Variants in SLC35E4 observed in about 807,000 individuals in gnomAD.
SLC35E4 encodes the protein solute carrier family 35, member E4.
In SLC35E4, 15 loss-of-function variants were observed where a neutral mutation model predicts 19.3. The observed-to-expected ratio is 0.78, with a 90% CI of 0.52 to 1.20. The LOEUF (loss-of-function observed/expected upper bound fraction) is 1.20, where lower values mean the gene tolerates loss of function less well. Among genes scored for constraint, SLC35E4 ranks in the 50% most tolerant of loss-of-function variants. The pLI, the probability that SLC35E4 is intolerant of heterozygous loss-of-function variation, is 0.00. For synonymous variants in SLC35E4, 219 were observed against 219.9 expected, an observed-to-expected ratio of 1.00 and a Z score of 0.04; for missense variants, 406 against 472.3, an observed-to-expected ratio of 0.86 and a Z score of 1.30.
At chr22:30,646,231 A>T (rs998388198) in intron 1 of SLC35E4, among the ~76,000 whole-genome samples, 1 of 152,098 alleles carries the variant, frequency 6.6e-6, no homozygotes, top group South Asian at 2.1e-4. Context: ...TATTTATTTT[A>T]GTTTAGTTTT....
At chr22:30,662,031 T>TG (rs386395203) in intron 2 of SLC35E4, 7 of 7,936 alleles carry the variant, frequency 8.8e-4, no homozygotes, top group African/African-American at 1.2e-3. Flanking sequence ...ACTTAAACCA[T>TG]TTTTTTTTTT....
At chr22:30,651,385 G>T (rs1343229993), downstream of SLC35E4, among the ~76,000 whole-genome samples, 526 of 30,554 alleles carry the variant, frequency 0.017, 33 homozygotes, top group East Asian at 0.14. Flanking sequence ...GTGTGTGTGT[G>T]TGTGTGTGTG....
chr22:30,643,604 G>A (rs1036231816), intron 1 of SLC35E4, among the ~76,000 whole-genome samples: 18 of 152,082 alleles, frequency 1.2e-4, no homozygotes, highest in African/African-American at 3.6e-4. Context: ...GCCAGCTGCC[G>A]GGGTGAGCCG....
intron 2 of SLC35E4, chr22:30,653,982 T>TG (rs1332374004): frequency 1.0e-4 from 15 of 147,974 alleles, no homozygotes; most frequent in African/African-American, 4.5e-4. Context: ...GTTTTGTTTT[T>TG]TTGTTTTTTT....
At chr22:30,663,290 G>T in exon 3 of SLC35E4, 1 of 780,726 alleles carries the variant, frequency 1.3e-6, no homozygotes, top group Non-Finnish European at 2.0e-6. Flanking sequence ...AAAGTTAAAA[G>T]CTACAGCAAC....
downstream of SLC35E4, chr22:30,667,654 T>C (rs79182040): frequency 0.12 from 18,630 of 152,722 alleles, 1,416 homozygotes; most frequent in Non-Finnish European, 0.17. Flanking sequence ...AGAGAAATCC[T>C]GGCCTCGGCT....
chr22:30,650,082 A>G (rs888724604), downstream of SLC35E4, among the ~76,000 whole-genome samples: 3 of 149,556 alleles, frequency 2.0e-5, no homozygotes, highest in African/African-American at 7.5e-5. Flanking sequence ...CTGTAATCCC[A>G]GTACTTTGGG....
chr22:30,657,578 G>C (rs1441834244), intron 2 of SLC35E4, among the ~76,000 whole-genome samples: 4 of 151,864 alleles, frequency 2.6e-5, no homozygotes, highest in African/African-American at 9.7e-5. Flanking sequence ...GGGAAATATG[G>C]TGAGACGCTG....
chr22:30,646,990 CG>C lies in SLC35E4; in HGVS notation c.1017del (p.Leu340CysfsTer49). On this transcript the variant is annotated frameshift_variant, in exon 2 of 2. Coordinates refer to ENST00000343605, the MANE Select transcript of SLC35E4 (RefSeq NM_001001479.4). LOFTEE classifies it high-confidence loss of function. ...GTTCGTGGCCTCCTGGGCTGCCCGT[CG>C]GGGGCTGTGGCGGAGGGACCAGCCC... ...CEFVASWAAR[R>X]GLWRRDQPSK... The C allele has an allele frequency of 1.9e-6, 3 of 1,612,634 alleles. No homozygotes were observed. The highest frequency in any genetic ancestry group is 8.5e-7 in the Non-Finnish European group (1 of 1,179,566).
At chr22:30,646,474 G>C in intron 1 of SLC35E4, 124 bp from the exon 2 acceptor site, 1 of 1,132,304 alleles carries the variant, frequency 8.8e-7, no homozygotes, top group Non-Finnish European at 1.3e-6. Context: ...TTCAGATCAG[G>C]AGCCACTAGC....
At position 30,646,870 on chromosome 22, in the gene SLC35E4, C is replaced by G. The variant is rs1173525738; in HGVS notation, c.892C>G (p.Leu298Val). 6.2e-7 allele frequency: 1 copy of G among 1,614,152 alleles called. No individual in the cohort carries two copies. Among genetic ancestry groups the G allele is most frequent in the Non-Finnish European group, 8.5e-7 (1 of 1,180,058 alleles). ...CCTCACCGTGGTGGGCAACCTCATC[C>G]TGTCCCGGCTGTTGTTTGGCAGCCG... Reference protein sequence around the residue: ...GNLTVVGNLILSRLLFGSRLS... With the variant: ...GNLTVVGNLIVSRLLFGSRLS... The change falls in exon 2 of 2, where the codon CTG (leucine) becomes GTG (valine). Residue 298 changes from leucine to valine, a missense_variant. Physicochemically the swap from Leu to Val is conservative, Grantham distance 32 (BLOSUM62 1). Coordinates refer to ENST00000343605, the MANE Select transcript of SLC35E4 (RefSeq NM_001001479.4).
chr22:30,646,488 G>A (rs1012826865), intron 1 of SLC35E4, 110 bp from the exon 2 acceptor site: 1 of 1,294,762 alleles, frequency 7.7e-7, no homozygotes, highest in Admixed American at 2.3e-5. Flanking sequence ...CACTAGCCCT[G>A]CCCGAGGGGT....
At chr22:30,648,858 CTGA>C (rs1302787810), downstream of SLC35E4, among the ~76,000 whole-genome samples, 1 of 151,902 alleles carries the variant, frequency 6.6e-6, no homozygotes, top group African/African-American at 2.4e-5. Context: ...AAAAAAAGGG[CTGA>C]TGAGGGTCTT....
chr22:30,643,746 G>A (rs76738533), intron 1 of SLC35E4, among the ~76,000 whole-genome samples: 3,602 of 152,256 alleles, frequency 0.024, 76 homozygotes, highest in Admixed American at 0.029. Context: ...CACACAGCCC[G>A]TGAAAGAGCA....
In SLC35E4 at chr22:30,647,186, C is replaced by T; in HGVS notation, c.*155C>T. On this transcript the variant is annotated 3_prime_UTR_variant, in exon 2 of 2. Transcript: ENST00000343605. ...TCCGAGGTGGGTGGATCACCTGAGGCCAGGAGTTCGAGACCAGCCTGGCTA... is the reference window on the plus strand; with the variant it reads ...TCCGAGGTGGGTGGATCACCTGAGGTCAGGAGTTCGAGACCAGCCTGGCTA... 4 of 928,728 alleles carry T rather than the reference C, an allele frequency of 4.3e-6. No individual in the cohort carries two copies. The highest frequency in any genetic ancestry group is 6.2e-6 in the Non-Finnish European group (4 of 641,270). The allele number at this position is 928,728 out of a possible 1,614,324, so 57.5% of individuals were successfully genotyped here.
intron 1 of SLC35E4, among the ~76,000 whole-genome samples, chr22:30,638,092 A>T (rs1352312609): frequency 6.6e-6 from 1 of 152,090 alleles, no homozygotes; most frequent in Non-Finnish European, 1.5e-5. Context: ...CAGGCTGGGC[A>T]TGGTATCTCA....
Position 30,646,696 on chromosome 22 carries a change from G to A in SLC35E4, c.718G>A (p.Glu240Lys), listed in dbSNP as rs1201349335. ...GCTGGCGGGTGCAGCCCTGGTGCTG[G>A]AGGCTGGCGTTGCCCCACCGCCCAC... ...CLLAGAALVL[E>K]AGVAPPPTAG... Residue 240 changes from glutamate (E) to lysine (K), a missense_variant, in exon 2 of 2, where the codon GAG becomes AAG. Glu to Lys is a moderately conservative substitution (Grantham distance 56). Transcript: ENST00000343605. 4 of 1,612,412 alleles carry A rather than the reference G, an allele frequency of 2.5e-6. No individual in the cohort carries two copies. Among genetic ancestry groups the A allele is most frequent in the Non-Finnish European group, 3.4e-6 (4 of 1,179,848 alleles).
At chr22:30,659,239 C>A (rs1402021391) in intron 2 of SLC35E4, among the ~76,000 whole-genome samples, 1 of 151,794 alleles carries the variant, frequency 6.6e-6, no homozygotes, top group Non-Finnish European at 1.5e-5. Flanking sequence ...AAAACAAAAA[C>A]CTGACATTTT....
At chr22:30,646,498 T>C in intron 1 of SLC35E4, 100 bp from the exon 2 acceptor site, 1 of 1,371,206 alleles carries the variant, frequency 7.3e-7, no homozygotes, top group Non-Finnish European at 9.9e-7. Context: ...GCCCGAGGGG[T>C]CCGGGTAGGC....
Sources: allele counts gnomAD v4.1 joint callset (sites outside exome capture counted in the v4.1 genomes callset), GRCh38; gene constraint gnomAD v4.1.1; transcripts MANE v1.5; gene names NCBI Gene and HGNC (gene_info 2026-07-23, HGNC 2026-07-21).